NCAPH: variants seen among roughly 807,000 people sequenced by gnomAD.
The protein encoded by NCAPH is non-SMC condensin I complex subunit H.
NCAPH carries 38 observed loss-of-function variants against 85.5 expected under a neutral mutation model. That is an observed-to-expected ratio of 0.44 (90% CI 0.34 to 0.58). The LOEUF is 0.58. Among genes scored for constraint, NCAPH ranks in the 20% least tolerant of loss-of-function variants. NCAPH has a pLI of 0.01. For missense variants in NCAPH, 789 were observed against 916.6 expected, an observed-to-expected ratio of 0.86 and a Z score of 1.80; for synonymous variants, 301 against 335.1, an observed-to-expected ratio of 0.90 and a Z score of 1.11.
intron 6 of NCAPH, among the ~76,000 whole-genome samples, chr2:96,350,842 G>A (rs924960985): frequency 2.0e-5 from 3 of 152,180 alleles, no homozygotes; most frequent in African/African-American, 7.2e-5. Context: ...GAAGACCTGT[G>A]AACCCCATAC....
At chr2:96,349,055 C>G (rs1221123366) in intron 6 of NCAPH, among the ~76,000 whole-genome samples, 1 of 152,178 alleles carries the variant, frequency 6.6e-6, no homozygotes, top group Non-Finnish European at 1.5e-5. Flanking sequence ...TTCTTTCTTA[C>G]CAGGTAATCT....
rs184320146 is a variant in NCAPH at position 96,373,508 on chromosome 2, A to G, written c.*157A>G. On this transcript the variant is annotated 3_prime_UTR_variant, in exon 18 of 18. Coordinates refer to ENST00000240423, the MANE Select transcript of NCAPH (RefSeq NM_015341.5). The stretch of plus-strand genomic sequence containing the variant: ...TTGTTGCTCTTTCCTTCTCTCCATC[A>G]TAGTCTGGGTGCCAGCGCCCTGAAG... The G allele has an allele frequency of 7.3e-5, 50 of 683,616 alleles. No individual in the cohort carries two copies. The highest frequency in any genetic ancestry group is 1.1e-4 in the Non-Finnish European group (44 of 396,132). 42.3% of individuals were successfully genotyped at this position (683,616 alleles called of 1,614,324 possible). A position where few individuals can be genotyped will look rare whatever the true frequency, so the allele number is the denominator to read the frequency against.
In NCAPH at chr2:96,365,898, A is replaced by G; in HGVS notation, c.1721A>G (p.Asp574Gly). ...CAGGCTGCTGACAGTGATGATGAAG[A>G]TTTGGATGACTTATTTGTGGGACCT... ...GLQAADSDDEDLDDLFVGPVG... is the reference protein window; with the variant it reads ...GLQAADSDDEGLDDLFVGPVG... Residue 574 changes from aspartate to glycine, a missense_variant, in exon 14 of 18, where the codon GAT becomes GGT. Asp to Gly is a moderately conservative substitution (Grantham distance 94, BLOSUM62 -1). Coordinates refer to ENST00000240423, the MANE Select transcript of NCAPH (RefSeq NM_015341.5). The G allele has an allele frequency of 6.2e-7, 1 of 1,614,190 alleles. No homozygotes were observed. The highest frequency in any genetic ancestry group is 8.5e-7 in the Non-Finnish European group (1 of 1,180,042).
chr2:96,357,010 G>C (rs1158587432), intron 9 of NCAPH, among the ~76,000 whole-genome samples: 1 of 152,212 alleles, frequency 6.6e-6, no homozygotes, highest in Non-Finnish European at 1.5e-5. Flanking sequence ...AGCAGCCCAA[G>C]AACACTTGGA....
At chr2:96,363,717 A>G (rs2064658293) in intron 12 of NCAPH, among the ~76,000 whole-genome samples, 1 of 152,182 alleles carries the variant, frequency 6.6e-6, no homozygotes, top group South Asian at 2.1e-4. Flanking sequence ...CAGAATGAGG[A>G]TGATGGATGT....
chr2:96,354,445 T>C (rs2064494668), intron 9 of NCAPH, 57 bp downstream of exon 9: 14 of 1,326,370 alleles, frequency 1.1e-5, no homozygotes, highest in East Asian at 8.2e-5. Context: ...GGTTCTTTTT[T>C]CTTTTTCTTT....
chr2:96,349,882 A>G (rs1573073594), intron 6 of NCAPH, among the ~76,000 whole-genome samples: 1 of 152,210 alleles, frequency 6.6e-6, no homozygotes, highest in East Asian at 1.9e-4. Context: ...GGCACATGCT[A>G]TAGGAAACCA....
Position 96,367,349 on chromosome 2 carries a change from C to T in NCAPH, c.1974C>T (p.Leu658=). Residue 658 remains leucine (L), a synonymous_variant, in exon 15 of 18, where the codon CTC becomes CTT. Coordinates refer to ENST00000240423, the MANE Select transcript of NCAPH (RefSeq NM_015341.5). ...KQSMWSLLTA[L]SGKEADAEAN... ...GCATGTGGAGTCTGCTGACAGCGCT[C>T]TCCGGAAAGGAGGCAGATGCAGAGG... The T allele has an allele frequency of 6.2e-7, 1 of 1,613,394 alleles. No individual in the cohort carries two copies. Among genetic ancestry groups the T allele is most frequent in the East Asian group, 2.2e-5 (1 of 44,864 alleles).
Position 96,359,139 on chromosome 2 carries a change from A to G in NCAPH, c.1303A>G (p.Thr435Ala). ...PGEYSYFSPR[T>A]MSMWAGPDHW... ...AGAATATTCTTATTTCAGTCCTCGGACCATGTCGATGTGGGCTGGCCCGGA... is the reference window on the plus strand; with the variant it reads ...AGAATATTCTTATTTCAGTCCTCGGGCCATGTCGATGTGGGCTGGCCCGGA... The change falls in exon 10 of 18, where the codon ACC (threonine) becomes GCC (alanine). Residue 435 changes from threonine (T) to alanine (A), a missense_variant. Transcript: ENST00000240423. 6.2e-7 allele frequency: 1 copy of G among 1,614,170 alleles called. No homozygotes were observed. The highest frequency in any genetic ancestry group is 8.5e-7 in the Non-Finnish European group (1 of 1,180,034).
In NCAPH at chr2:96,359,147, G is replaced by A; in HGVS notation, c.1311G>A (p.Ser437=). 2.5e-6 allele frequency: 4 copies of A among 1,614,200 alleles called. No homozygotes were observed. Among genetic ancestry groups the A allele is most frequent in the Non-Finnish European group, 3.4e-6 (4 of 1,180,042 alleles). ...CTTATTTCAGTCCTCGGACCATGTC[G>A]ATGTGGGCTGGCCCGGATCACTGGC... ...EYSYFSPRTM[S]MWAGPDHWRF... is the part of the protein sequence containing the mutation. The change falls in exon 10 of 18, where the codon TCG becomes TCA. Residue 437 remains serine, a synonymous_variant. Transcript: ENST00000240423.
intron 9 of NCAPH, among the ~76,000 whole-genome samples, chr2:96,358,675 A>G (rs1274632767): frequency 2.0e-5 from 3 of 152,164 alleles, no homozygotes; most frequent in Non-Finnish European, 4.4e-5. Context: ...TCACTGTGTT[A>G]GCCAGGGTGG....
Position 96,344,140 on chromosome 2 carries a change from G to T in NCAPH, c.631G>T (p.Ala211Ser), listed in dbSNP as rs2064332536. ...SATEMGTTKK[A>S]VKPKKKHLHR... ...TACTGAAATGGGAACAACCAAAAAG[G>T]CTGTAAAGCCAAAGAAGAAGCACTT... Residue 211 changes from alanine (A) to serine (S), a missense_variant, in exon 6 of 18, where the codon GCT (alanine) becomes TCT (serine). By Grantham distance (99) the Ala-to-Ser change is moderately conservative (BLOSUM62 1). Transcript: ENST00000240423. The T allele has an allele frequency of 1.2e-6, 2 of 1,613,442 alleles. No homozygotes were observed. Among genetic ancestry groups the T allele is most frequent in the Non-Finnish European group, 1.7e-6 (2 of 1,179,890 alleles).
At chr2:96,354,147 G>T (rs1445083349) in intron 8 of NCAPH, 36 bp from the exon 9 acceptor site, 17 of 1,595,362 alleles carry the variant, frequency 1.1e-5, no homozygotes, top group Non-Finnish European at 1.5e-5. Flanking sequence ...GTGGTTATAG[G>T]AATGAGAATT....
chr2:96,368,262 A>T (rs534808712), intron 15 of NCAPH, among the ~76,000 whole-genome samples: 5 of 152,230 alleles, frequency 3.3e-5, no homozygotes, highest in Non-Finnish European at 7.3e-5. Flanking sequence ...ACAGAATGGG[A>T]TGCAAGTGTG....
intron 6 of NCAPH, among the ~76,000 whole-genome samples, 176 bp downstream of exon 6, chr2:96,344,405 A>G (rs1296330456): frequency 1.3e-5 from 2 of 152,246 alleles, no homozygotes; most frequent in African/African-American, 4.8e-5. Context: ...GACTAAAAGT[A>G]AGTCCCTCAG....
intron 8 of NCAPH, 22 bp from the exon 9 acceptor site, chr2:96,354,161 G>A (rs753632249): frequency 6.2e-7 from 1 of 1,608,168 alleles, no homozygotes; most frequent in Non-Finnish European, 8.5e-7. Context: ...GAGAATTACA[G>A]AACCCTCTTT....
intron 12 of NCAPH, among the ~76,000 whole-genome samples, chr2:96,361,337 A>C (rs1305713344): frequency 1.2e-4 from 19 of 152,070 alleles, no homozygotes; most frequent in Admixed American, 1.2e-3. Flanking sequence ...GGTGTGAGCC[A>C]CTGTGCCCAC....
intron 10 of NCAPH, chr2:96,359,579 GT>G: frequency 4.5e-6 from 1 of 221,618 alleles, no homozygotes; most frequent in Non-Finnish European, 8.8e-6. Flanking sequence ...GACCTTATGT[GT>G]TTTGCATTGT....
At chr2:96,359,000 C>T in intron 9 of NCAPH, 45 bp from the exon 10 acceptor site, 1 of 1,577,944 alleles carries the variant, frequency 6.3e-7, no homozygotes, top group Non-Finnish European at 8.7e-7. Flanking sequence ...GTAAATACAG[C>T]ATTATAATAT....
Sources: gnomAD v4.1 joint callset for allele counts (sites outside exome capture counted in the v4.1 genomes callset) on GRCh38, gnomAD v4.1.1 for gene constraint, MANE v1.5 for transcripts, NCBI Gene and HGNC (gene_info 2026-07-23, HGNC 2026-07-21) for gene names.